RACGAP1: variants seen among roughly 807,000 people sequenced by gnomAD.
RACGAP1 encodes the protein Rac GTPase activating protein 1.
Under a neutral mutation model 78.1 loss-of-function variants are expected in RACGAP1, and 30 were observed. That is an observed-to-expected ratio of 0.38 (90% CI 0.29 to 0.52). The LOEUF (loss-of-function observed/expected upper bound fraction) is 0.52, where lower values mean the gene tolerates loss of function less well. RACGAP1 is among the 20% of genes least tolerant of loss of function. The pLI, the probability that RACGAP1 is intolerant of heterozygous loss-of-function variation, is 0.82. For synonymous variants in RACGAP1, 231 were observed against 264.8 expected (o/e 0.87, Z 1.24); for missense variants, 587 against 777.1 (o/e 0.76, Z 2.91).
intron 6 of RACGAP1, among the ~76,000 whole-genome samples, chr12:50,001,780 T>C (rs1040159864): frequency 6.6e-6 from 1 of 152,214 alleles, no homozygotes; most frequent in Non-Finnish European, 1.5e-5. Context: ...AGAGTACCAG[T>C]ACTGGTTGGG....
chr12:50,002,539 G>A, intron 5 of RACGAP1: 1 of 356,500 alleles, frequency 2.8e-6, no homozygotes, highest in Non-Finnish European at 5.1e-6. Flanking sequence ...ATACCACAGA[G>A]GCAAGAAGAG....
intron 3 of RACGAP1, 84 bp downstream of exon 3, chr12:50,006,350 G>A (rs566481889): frequency 7.0e-7 from 1 of 1,426,564 alleles, no homozygotes; most frequent in East Asian, 2.3e-5. Flanking sequence ...GAAGAAACTA[G>A]GTATATTTGG....
intron 8 of RACGAP1, 96 bp downstream of exon 8, chr12:49,999,520 A>C (rs1306632251): frequency 8.7e-7 from 1 of 1,149,742 alleles, no homozygotes; most frequent in Non-Finnish European, 1.3e-6. Context: ...TACCCAATAC[A>C]TCCAATCCCC....
At chr12:49,995,326 C>A (rs1948185120) in intron 10 of RACGAP1, among the ~76,000 whole-genome samples, 1 of 151,362 alleles carries the variant, frequency 6.6e-6, no homozygotes, top group Non-Finnish European at 1.5e-5. Context: ...CCAGCCTGGG[C>A]AACAAGAACA....
intron 6 of RACGAP1, 85 bp downstream of exon 6, chr12:50,002,162 C>T (rs1271033042): frequency 3.0e-6 from 3 of 1,003,768 alleles, no homozygotes; most frequent in South Asian, 2.8e-5. Flanking sequence ...AGCAACATGA[C>T]AGGAATGCAG....
chr12:49,997,384 C>T (rs1320614146), intron 9 of RACGAP1, among the ~76,000 whole-genome samples, 180 bp from the exon 10 acceptor site: 1 of 151,002 alleles, frequency 6.6e-6, no homozygotes, highest in Non-Finnish European at 1.5e-5. Flanking sequence ...AAGCGATTCT[C>T]CTGTCTCAGC....
intron 1 of RACGAP1, among the ~76,000 whole-genome samples, chr12:50,022,302 G>A (rs12319375): frequency 0.062 from 9,394 of 152,224 alleles, 991 homozygotes; most frequent in African/African-American, 0.21. Context: ...AGTAAAACAG[G>A]CTAGGTGTGG....
chr12:49,990,425 C>A, intron 16 of RACGAP1, 82 bp from the exon 17 acceptor site: 2 of 1,246,236 alleles, frequency 1.6e-6, no homozygotes, highest in Non-Finnish European at 2.3e-6. Flanking sequence ...TTGATATAAC[C>A]CATTATAAGT....
intron 9 of RACGAP1, 129 bp downstream of exon 9, chr12:49,999,012 G>A: frequency 8.8e-7 from 1 of 1,134,542 alleles, no homozygotes; most frequent in South Asian, 1.8e-5. Context: ...TACTTCTGGA[G>A]AGTAAAATTG....
At chr12:50,005,729 T>C (rs1403055760) in intron 3 of RACGAP1, among the ~76,000 whole-genome samples, 2 of 152,206 alleles carry the variant, frequency 1.3e-5, no homozygotes, top group Admixed American at 1.3e-4. Flanking sequence ...TCAGGACAAA[T>C]ATTGGCTTCT....
intron 13 of RACGAP1, 52 bp from the exon 14 acceptor site, chr12:49,992,429 C>A: frequency 6.3e-7 from 1 of 1,594,802 alleles, no homozygotes; most frequent in Non-Finnish European, 8.6e-7. Context: ...TAAATGCAGA[C>A]CAAAATATAA....
intron 9 of RACGAP1, 74 bp downstream of exon 9, chr12:49,999,067 A>G (rs913865660): frequency 6.8e-7 from 1 of 1,469,492 alleles, no homozygotes; most frequent in African/African-American, 1.4e-5. Context: ...ACACTAAAGT[A>G]TTTAACTTTA....
At chr12:50,016,499 A>C in intron 2 of RACGAP1, 132 bp downstream of exon 2, 8 of 887,526 alleles carry the variant, frequency 9.0e-6, no homozygotes, top group Middle Eastern at 2.4e-4. Context: ...TGACCACGTA[A>C]GTGATCACTG....
chr12:50,017,553 C>T (rs541496122), intron 1 of RACGAP1, among the ~76,000 whole-genome samples: 11 of 152,138 alleles, frequency 7.2e-5, no homozygotes, highest in African/African-American at 2.2e-4. Flanking sequence ...TAACTGGGAA[C>T]ACTTTGAGGA....
At chr12:50,008,184 A>T (rs1949087655) in intron 2 of RACGAP1, among the ~76,000 whole-genome samples, 1 of 148,486 alleles carries the variant, frequency 6.7e-6, no homozygotes, top group South Asian at 2.1e-4. Flanking sequence ...AAAAAAAAAA[A>T]AAAAAAAAAA....
chr12:50,028,419 C>G (rs1950300283), upstream of RACGAP1, among the ~76,000 whole-genome samples: 1 of 152,224 alleles, frequency 6.6e-6, no homozygotes, highest in Admixed American at 6.5e-5. Context: ...GTAGTCCAAC[C>G]CCAGTGAAAC....
chr12:50,009,955 T>C (rs1949210236), intron 2 of RACGAP1, among the ~76,000 whole-genome samples: 1 of 152,240 alleles, frequency 6.6e-6, no homozygotes, highest in Non-Finnish European at 1.5e-5. Flanking sequence ...ACTTGTACTA[T>C]CTTCTGTTTC....
intron 2 of RACGAP1, among the ~76,000 whole-genome samples, chr12:50,010,080 A>G (rs1320560174): frequency 6.6e-6 from 1 of 152,202 alleles, no homozygotes; most frequent in Admixed American, 6.5e-5. Context: ...CAAACCTAGT[A>G]TGTCACTGGC....
In RACGAP1 at chr12:50,001,264, A is replaced by C; in HGVS notation, c.550-12T>G. 1.3e-6 allele frequency: 2 copies of C among 1,589,990 alleles called. No individual in the cohort carries two copies. Among genetic ancestry groups the C allele is most frequent in the Non-Finnish European group, 1.7e-6 (2 of 1,158,678 alleles). ...CGGCTAGTAGAGCGCTAGAAAGGAG[A>C]CAAAGACCCGTAACTTTAATGCCAA... On this transcript the variant is annotated splice_polypyrimidine_tract_variant and intron_variant, in intron 6 of 16. Coordinates refer to ENST00000312377, the MANE Select transcript of RACGAP1 (RefSeq NM_001319999.2).
Sources: allele counts gnomAD v4.1 joint callset (sites outside exome capture counted in the v4.1 genomes callset), GRCh38; gene constraint gnomAD v4.1.1; transcripts MANE v1.5; gene names NCBI Gene and HGNC (gene_info 2026-07-23, HGNC 2026-07-21).